The following TENM3 variants were observed in gnomAD, a reference collection of about 807,000 sequenced individuals.
TENM3 encodes teneurin transmembrane protein 3.
TENM3 carries 63 observed loss-of-function variants against 255.1 expected under a neutral mutation model. The observed-to-expected ratio is 0.25, with a 90% CI of 0.20 to 0.30. TENM3 has a LOEUF of 0.30. Ranked by LOEUF, TENM3 falls within the 10% of genes least tolerant of loss-of-function variation. TENM3 has a pLI of 1.00. For synonymous variants in TENM3, 1,306 were observed against 1,322.3 expected (o/e 0.99, Z 0.27); for missense variants, 2,929 against 3,461.1 (o/e 0.85, Z 3.86).
rs6817534 is a variant in TENM3, at chr4:182,794,157, G to C, written c.7213+272G>C. ...CAGTCATTTAAAGAAGGGGAACATG[G>C]GGGACCAAAAAACATGATGAACACA... On this transcript the variant is annotated intron_variant, in intron 26 of 27. Coordinates refer to ENST00000511685, the MANE Select transcript of TENM3 (RefSeq NM_001080477.4). Among the ~76,000 whole-genome samples, 82,353 of 151,938 alleles carry C rather than the reference G, an allele frequency of 0.54. 22,998 individuals are homozygous for C. The highest frequency in any genetic ancestry group is 0.68 in the African/African-American group (28,060 of 41,428).
chr4:181,915,835 T>A, the TENM3 span, among the ~76,000 whole-genome samples: 2 of 151,866 alleles, frequency 1.3e-5, no homozygotes, highest in Non-Finnish European at 2.9e-5. Flanking sequence ...ACACCACGAG[T>A]AACGTGTACA....
chr4:182,047,642 G>T, the TENM3 span, among the ~76,000 whole-genome samples: 1 of 151,048 alleles, frequency 6.6e-6, no homozygotes, highest in Non-Finnish European at 1.5e-5. Context: ...TCTATTCTAG[G>T]AGCACAGAGA....
the TENM3 span, among the ~76,000 whole-genome samples, chr4:181,870,729 A>G: frequency 1.7e-4 from 26 of 152,218 alleles, 1 homozygote; most frequent in African/African-American, 6.0e-4. Flanking sequence ...GATTTTATGT[A>G]CTATGAATAT....
At chr4:182,096,900 C>A in the TENM3 span, among the ~76,000 whole-genome samples, 1 of 152,278 alleles carries the variant, frequency 6.6e-6, no homozygotes, top group South Asian at 2.1e-4. Context: ...GTGGAGAAAT[C>A]TATACATTAA....
the TENM3 span, among the ~76,000 whole-genome samples, chr4:181,634,062 A>G: frequency 6.6e-6 from 1 of 152,318 alleles, no homozygotes; most frequent in Admixed American, 6.5e-5. Flanking sequence ...AGTCTAACAC[A>G]TCGATGGTAG....
chr4:182,766,789 T>G (rs1387862989), intron 22 of TENM3, among the ~76,000 whole-genome samples: 1 of 151,984 alleles, frequency 6.6e-6, no homozygotes, highest in Non-Finnish European at 1.5e-5. Context: ...CCTTTCTGGT[T>G]TTATGGAGCA....
chr4:182,250,054 CTTTTTTTT>C (rs957483629), intron 1 of TENM3, among the ~76,000 whole-genome samples: 5 of 128,448 alleles, frequency 3.9e-5, no homozygotes, highest in African/African-American at 1.5e-4. Context: ...TTTCTTTTTT[CTTTTTTTT>C]TTTTTTTTGA....
intron 23 of TENM3, 88 bp downstream of exon 23, chr4:182,773,735 G>A: frequency 2.5e-6 from 3 of 1,197,258 alleles, no homozygotes; most frequent in Non-Finnish European, 3.5e-6. Flanking sequence ...AACCAGAAAA[G>A]GGAAGGTGAA....
chr4:182,690,312 G>A (rs1349892302), intron 12 of TENM3, among the ~76,000 whole-genome samples: 1 of 152,218 alleles, frequency 6.6e-6, no homozygotes, highest in African/African-American at 2.4e-5. Context: ...TAGGGCAGTG[G>A]CAGCAGGTTG....
intron 3 of TENM3, among the ~76,000 whole-genome samples, chr4:182,590,808 C>T (rs1268063041): frequency 6.6e-6 from 1 of 150,772 alleles, no homozygotes; most frequent in South Asian, 2.1e-4. Flanking sequence ...GAGATTGCAC[C>T]ACTGCACTCC....
chr4:182,344,088 A>AT (rs77628132), intron 2 of TENM3, among the ~76,000 whole-genome samples: 7 of 151,812 alleles, frequency 4.6e-5, no homozygotes, highest in African/African-American at 9.7e-5. Context: ...TTTTTAAGTG[A>AT]TTTTTTTCAT....
intron 3 of TENM3, among the ~76,000 whole-genome samples, chr4:182,551,160 T>C (rs1741963500): frequency 6.7e-6 from 1 of 150,228 alleles, no homozygotes; most frequent in Non-Finnish European, 1.5e-5. Context: ...AGGTGGAGGT[T>C]GCAGTGAGCT....
chr4:181,773,635 T>A, the TENM3 span, among the ~76,000 whole-genome samples: 1 of 152,228 alleles, frequency 6.6e-6, no homozygotes, highest in Admixed American at 6.5e-5. Flanking sequence ...GAATTAGTGA[T>A]TCCTACTTCA....
chr4:181,906,825 G>C, the TENM3 span, among the ~76,000 whole-genome samples: 4 of 152,170 alleles, frequency 2.6e-5, no homozygotes, highest in Non-Finnish European at 4.4e-5. Flanking sequence ...GGGACTACAG[G>C]CATGGGCCAC....
the TENM3 span, among the ~76,000 whole-genome samples, chr4:181,947,693 G>A: frequency 1.3e-5 from 2 of 152,018 alleles, no homozygotes; most frequent in Non-Finnish European, 2.9e-5. Flanking sequence ...TGATGGGAAA[G>A]TCTTTGCTCC....
upstream of TENM3, chr4:182,142,130 T>A (rs1413697200): frequency 6.6e-6 from 1 of 152,010 alleles, no homozygotes; most frequent in Non-Finnish European, 1.5e-5. Flanking sequence ...GCCTTTTTTT[T>A]ATATAATAAT....
At chr4:182,372,272 C>T (rs762364936) in intron 3 of TENM3, among the ~76,000 whole-genome samples, 6 of 152,054 alleles carry the variant, frequency 3.9e-5, no homozygotes, top group Non-Finnish European at 7.4e-5. Flanking sequence ...TTATAAATAA[C>T]AGCAATATAT....
At chr4:182,232,175 C>T (rs1756624933) in intron 1 of TENM3, among the ~76,000 whole-genome samples, 1 of 152,142 alleles carries the variant, frequency 6.6e-6, no homozygotes, top group African/African-American at 2.4e-5. Context: ...CTTCACTCCT[C>T]TGTCCTTCTG....
At chr4:181,800,962 T>C in the TENM3 span, among the ~76,000 whole-genome samples, 9 of 152,180 alleles carry the variant, frequency 5.9e-5, no homozygotes, top group Admixed American at 5.9e-4. Context: ...CCTGTTGCAG[T>C]ATAACTGCTG....
Sources: allele counts gnomAD v4.1 joint callset (sites outside exome capture counted in the v4.1 genomes callset), GRCh38; gene constraint gnomAD v4.1.1; transcripts MANE v1.5; gene names NCBI Gene and HGNC (gene_info 2026-07-23, HGNC 2026-07-21).